UBAC2: variants seen among roughly 807,000 people sequenced by gnomAD.
The protein encoded by UBAC2 is ubiquitin-associated domain-containing protein 2.
In UBAC2, 26 loss-of-function variants were observed where a neutral mutation model predicts 44.0. The ratio of observed to expected loss-of-function variants is 0.59; its 90% CI spans 0.43 to 0.82. UBAC2 has a LOEUF of 0.82. UBAC2 is among the 40% of genes least tolerant of loss of function. The pLI, the probability that UBAC2 is intolerant of heterozygous loss-of-function variation, is 0.00. For missense variants in UBAC2, 329 were observed against 419.4 expected (o/e 0.78, Z 1.88); for synonymous variants, 155 against 154.3 (o/e 1.00, Z -0.04).
intron 7 of UBAC2, among the ~76,000 whole-genome samples, chr13:99,351,043 A>C (rs1414983708): frequency 6.6e-6 from 1 of 152,256 alleles, no homozygotes; most frequent in Non-Finnish European, 1.5e-5. Context: ...AATAGAAAGC[A>C]GCGTAATATA....
chr13:99,351,442 T>G (rs2045086675), intron 7 of UBAC2: 1 of 429,776 alleles, frequency 2.3e-6, no homozygotes, highest in Non-Finnish European at 4.6e-6. Flanking sequence ...CTTGCCTCTT[T>G]ATCTTCCAAA....
intron 1 of UBAC2, among the ~76,000 whole-genome samples, chr13:99,219,013 T>C (rs1383155713): frequency 1.3e-5 from 2 of 152,232 alleles, no homozygotes; most frequent in Non-Finnish European, 2.9e-5. Context: ...AAAAACTTTA[T>C]GAGAAAGTTA....
chr13:99,352,290 A>T (rs2045105082), intron 7 of UBAC2, among the ~76,000 whole-genome samples: 1 of 152,200 alleles, frequency 6.6e-6, no homozygotes, highest in African/African-American at 2.4e-5. Flanking sequence ...GTAATTTGAG[A>T]ACATTTTTCA....
chr13:99,344,766 C>T (rs7338843), intron 7 of UBAC2, among the ~76,000 whole-genome samples: 13,874 of 152,246 alleles, frequency 0.091, 680 homozygotes, highest in East Asian at 0.13. Context: ...CCCCCTGCCA[C>T]GTGCTCCTCG....
intron 6 of UBAC2, among the ~76,000 whole-genome samples, chr13:99,323,483 G>T (rs536794875): frequency 8.5e-5 from 13 of 152,310 alleles, no homozygotes; most frequent in South Asian, 6.2e-4. Context: ...GCTGACCAAA[G>T]CCATGAGGGT....
chr13:99,334,532 G>T (rs1042930192), intron 6 of UBAC2, among the ~76,000 whole-genome samples: 6 of 152,136 alleles, frequency 3.9e-5, no homozygotes, highest in Admixed American at 1.3e-4. Flanking sequence ...TTACTGTAGG[G>T]TCTTGCAAGC....
chr13:99,366,568 A>G (rs1259368707), intron 7 of UBAC2, among the ~76,000 whole-genome samples: 3 of 152,174 alleles, frequency 2.0e-5, no homozygotes, highest in Non-Finnish European at 4.4e-5. Flanking sequence ...TGTGGTTCTT[A>G]ATTCTCAGGC....
chr13:99,242,845 G>A (rs1317107882), intron 2 of UBAC2, among the ~76,000 whole-genome samples: 1 of 50,806 alleles, frequency 2.0e-5, no homozygotes, highest in African/African-American at 6.5e-5. Flanking sequence ...GGGGCGGCCG[G>A]GCAGAGACGC....
chr13:99,203,305 G>C (rs1189272232), intron 1 of UBAC2, among the ~76,000 whole-genome samples: 1 of 152,142 alleles, frequency 6.6e-6, no homozygotes, highest in Non-Finnish European at 1.5e-5. Flanking sequence ...AAAAGTGCTG[G>C]GATTACAGGC....
chr13:99,385,523 A>G lies in UBAC2; in HGVS notation c.*188A>G. 1.8e-6 allele frequency: 1 copy of G among 548,994 alleles called. No homozygotes were observed. The highest frequency in any genetic ancestry group is 2.8e-5 in the East Asian group (1 of 35,536). 34.0% of individuals were successfully genotyped at this position (548,994 alleles called of 1,614,324 possible). A position where few individuals can be genotyped will look rare whatever the true frequency, so the allele number is the denominator to read the frequency against. On this transcript the variant is annotated 3_prime_UTR_variant, in exon 9 of 9. Transcript: ENST00000403766. ...TTAGTGTGGAGATAAGTTTGCCATT[A>G]CATTAGCATGTATTTTCTATCTATA...
intron 4 of UBAC2, among the ~76,000 whole-genome samples, chr13:99,299,830 A>G (rs1470438124): frequency 6.6e-6 from 1 of 152,202 alleles, no homozygotes; most frequent in Admixed American, 6.5e-5. Context: ...CGCAGGTGAT[A>G]AAACTGACAA....
intron 1 of UBAC2, among the ~76,000 whole-genome samples, chr13:99,226,029 G>A (rs969014533): frequency 5.9e-5 from 9 of 152,184 alleles, no homozygotes; most frequent in African/African-American, 2.2e-4. Flanking sequence ...ATGTTTAGTT[G>A]ATATGTTTTC....
intron 6 of UBAC2, among the ~76,000 whole-genome samples, chr13:99,319,789 G>GACTCCT (rs2044544599): frequency 6.6e-6 from 1 of 152,206 alleles, no homozygotes; most frequent in African/African-American, 2.4e-5. Context: ...ACAGGTGCCA[G>GACTCCT]ACTCCCCCAA....
chr13:99,339,145 C>A (rs187126090), intron 6 of UBAC2, among the ~76,000 whole-genome samples: 108 of 152,292 alleles, frequency 7.1e-4, no homozygotes, highest in African/African-American at 2.5e-3. Context: ...TCAGTAGCCC[C>A]CCAAGATATC....
chr13:99,372,442 C>G (rs1362769115), intron 8 of UBAC2: 1 of 153,602 alleles, frequency 6.5e-6, no homozygotes, highest in African/African-American at 2.4e-5. Context: ...CCTAATGCCC[C>G]CCAAAGACCA....
At chr13:99,288,996 G>A (rs954371772) in intron 4 of UBAC2, among the ~76,000 whole-genome samples, 5 of 152,186 alleles carry the variant, frequency 3.3e-5, no homozygotes, top group African/African-American at 9.7e-5. Flanking sequence ...CAAGAATATT[G>A]CACATGAAAT....
chr13:99,361,130 A>T (rs2045259774), intron 7 of UBAC2, among the ~76,000 whole-genome samples: 2 of 152,208 alleles, frequency 1.3e-5, no homozygotes. Context: ...TGTATGTATG[A>T]ATATATATTT....
intron 7 of UBAC2, among the ~76,000 whole-genome samples, chr13:99,360,435 A>G (rs1201765285): frequency 6.6e-6 from 1 of 152,240 alleles, no homozygotes; most frequent in Non-Finnish European, 1.5e-5. Context: ...TGAGAAAACC[A>G]AGGGTCATGG....
chr13:99,218,730 T>G (rs1785146681), intron 1 of UBAC2, among the ~76,000 whole-genome samples: 1 of 152,128 alleles, frequency 6.6e-6, no homozygotes, highest in Admixed American at 6.6e-5. Flanking sequence ...CTTCCAGTGT[T>G]TTACTTCTAA....
Sources: allele counts gnomAD v4.1 joint callset (sites outside exome capture counted in the v4.1 genomes callset), GRCh38; gene constraint gnomAD v4.1.1; transcripts MANE v1.5; gene names NCBI Gene and HGNC (gene_info 2026-07-23, HGNC 2026-07-21).